SPAG16: variants seen among roughly 807,000 people sequenced by gnomAD.
SPAG16 encodes the protein sperm associated antigen 16.
A neutral mutation model predicts 80.4 loss-of-function variants in SPAG16; 86 were observed. The observed-to-expected ratio is 1.07, with a 90% CI of 0.90 to 1.28. The LOEUF (loss-of-function observed/expected upper bound fraction) is 1.28, where lower values mean the gene tolerates loss of function less well. Ranked by LOEUF, SPAG16 falls within the 50% of genes most tolerant of loss-of-function variation. The pLI, the probability that SPAG16 is intolerant of heterozygous loss-of-function variation, is 0.00. For missense variants in SPAG16, 870 were observed against 765.3 expected (o/e 1.14, Z -1.61); for synonymous variants, 294 against 265.9 (o/e 1.11, Z -1.03).
chr2:214,161,970 ATTC>A (rs2056458581), intron 15 of SPAG16, among the ~76,000 whole-genome samples: 1 of 152,110 alleles, frequency 6.6e-6, no homozygotes, highest in Non-Finnish European at 1.5e-5. Flanking sequence ...TCACAAAAAT[ATTC>A]TTCTCTTCTA....
rs752219004 is a variant in SPAG16, at chr2:213,296,087, G to A, written c.160G>A (p.Glu54Lys). 1 of 1,609,340 alleles carries A rather than the reference G, an allele frequency of 6.2e-7. No homozygotes were observed. The highest frequency in any genetic ancestry group is 2.2e-5 in the East Asian group (1 of 44,656). Reference protein sequence around the residue: ...LEQVTITEASEDDYEYEEIPD... With the variant: ...LEQVTITEASKDDYEYEEIPD... ...AGAGGTCACCATAACTGAAGCATCT[G>A]AAGATGACTATGAATATGAAGAGGT... is the stretch of plus-strand genomic sequence containing the variant. Residue 54 changes from glutamate to lysine, a missense_variant, in exon 2 of 16, where the codon GAA becomes AAA. Transcript: ENST00000331683.
At chr2:213,330,764 C>T (rs576246087) in intron 5 of SPAG16, among the ~76,000 whole-genome samples, 1 of 152,118 alleles carries the variant, frequency 6.6e-6, no homozygotes, top group African/African-American at 2.4e-5. Flanking sequence ...CCACCCAAAT[C>T]TCATCTTGAA....
At chr2:214,116,320 C>T (rs1174192795) in intron 14 of SPAG16, among the ~76,000 whole-genome samples, 1 of 152,224 alleles carries the variant, frequency 6.6e-6, no homozygotes, top group Non-Finnish European at 1.5e-5. Context: ...TACAAGGATA[C>T]AGAAGGAGAC....
intron 10 of SPAG16, among the ~76,000 whole-genome samples, chr2:213,530,076 T>C (rs541822442): frequency 3.8e-4 from 58 of 152,332 alleles, no homozygotes; most frequent in African/African-American, 1.3e-3. Flanking sequence ...GTGATAATAA[T>C]GCCATCTTCT....
intron 10 of SPAG16, among the ~76,000 whole-genome samples, chr2:213,667,882 C>T (rs1478168392): frequency 2.6e-5 from 4 of 151,754 alleles, no homozygotes; most frequent in African/African-American, 9.7e-5. Context: ...GGGTAGAGTA[C>T]ATAGTTAATT....
At chr2:214,195,796 A>C (rs988994711) in intron 15 of SPAG16, among the ~76,000 whole-genome samples, 4 of 151,970 alleles carry the variant, frequency 2.6e-5, no homozygotes, top group Non-Finnish European at 4.4e-5. Flanking sequence ...AGTAAAAAAA[A>C]CTAGCTATGG....
chr2:213,776,713 G>T (rs2069600911), intron 10 of SPAG16, among the ~76,000 whole-genome samples: 1 of 151,768 alleles, frequency 6.6e-6, no homozygotes, highest in Non-Finnish European at 1.5e-5. Context: ...AAAAGACATT[G>T]ACTTTTTTAC....
intron 15 of SPAG16, among the ~76,000 whole-genome samples, chr2:214,331,515 G>A (rs80268839): frequency 0.01 from 1,537 of 152,208 alleles, 9 homozygotes; most frequent in Middle Eastern, 0.017. Context: ...TTCTGCAATC[G>A]GGCCCTTGGG....
chr2:214,051,226 C>G (rs1262866153), intron 13 of SPAG16, among the ~76,000 whole-genome samples: 3 of 152,150 alleles, frequency 2.0e-5, no homozygotes, highest in Non-Finnish European at 4.4e-5. Context: ...ACATGCCAGT[C>G]TTTTATTCAG....
At position 214,197,598 on chromosome 2, in the gene SPAG16, T is replaced by G. The variant is rs537719893; in HGVS notation, c.1720+48332T>G. ...CTGAAAAATTAAAATATCATTGTCATTGCAAATAAAATATTATTGGCATTA... is the reference window on the plus strand; with the variant it reads ...CTGAAAAATTAAAATATCATTGTCAGTGCAAATAAAATATTATTGGCATTA... On this transcript the variant is annotated intron_variant, in intron 15 of 15. Transcript: ENST00000331683. 1.3e-5 allele frequency among the ~76,000 whole-genome samples: 2 copies of G among 152,118 alleles called. 1 individual carries two copies. Among genetic ancestry groups the G allele is most frequent in the South Asian group, 4.2e-4 (2 of 4,818 alleles).
intron 10 of SPAG16, among the ~76,000 whole-genome samples, chr2:213,765,429 A>G (rs2068883879): frequency 6.6e-6 from 1 of 152,214 alleles, no homozygotes; most frequent in South Asian, 2.1e-4. Flanking sequence ...TTATTTTTTC[A>G]TCAGGCTTAG....
At chr2:213,603,914 A>T (rs1239469962) in intron 10 of SPAG16, among the ~76,000 whole-genome samples, 1 of 150,898 alleles carries the variant, frequency 6.6e-6, no homozygotes, top group East Asian at 1.9e-4. Flanking sequence ...CTCTTACCCA[A>T]AGACTTCCTG....
intron 10 of SPAG16, among the ~76,000 whole-genome samples, chr2:213,826,687 T>C (rs900122359): frequency 1.3e-5 from 2 of 152,030 alleles, no homozygotes; most frequent in African/African-American, 4.8e-5. Context: ...GAATGATCCA[T>C]ATGCTGATGA....
At chr2:213,983,279 A>T (rs994054376) in intron 12 of SPAG16, among the ~76,000 whole-genome samples, 2 of 151,934 alleles carry the variant, frequency 1.3e-5, no homozygotes, top group Non-Finnish European at 2.9e-5. Flanking sequence ...TTTACCTTAA[A>T]ATAAGAGAAC....
intron 3 of SPAG16, among the ~76,000 whole-genome samples, chr2:213,301,390 TG>T (rs2062735653): frequency 6.6e-6 from 1 of 152,178 alleles, no homozygotes; most frequent in Non-Finnish European, 1.5e-5. Flanking sequence ...TGGATTTCAT[TG>T]TTTATTTTTT....
intron 15 of SPAG16, among the ~76,000 whole-genome samples, chr2:214,383,002 A>G (rs1700538613): frequency 6.8e-6 from 1 of 147,642 alleles, no homozygotes; most frequent in Non-Finnish European, 1.5e-5. Flanking sequence ...CCCCTGCCTC[A>G]CTCTCCTGTC....
chr2:214,259,280 G>C (rs1690944036), intron 15 of SPAG16, among the ~76,000 whole-genome samples: 2 of 151,520 alleles, frequency 1.3e-5, no homozygotes, highest in Admixed American at 6.6e-5. Context: ...TTTAACTGTG[G>C]CTGGGTTGTT....
intron 14 of SPAG16, among the ~76,000 whole-genome samples, chr2:214,145,630 C>G (rs994491085): frequency 6.6e-6 from 1 of 152,040 alleles, no homozygotes. Context: ...TGGTGGGAGG[C>G]TTAACAGAGG....
rs146835667 is a variant in SPAG16, at chr2:213,820,029, C to T, written c.1071-42456C>T. 2.9e-3 allele frequency among the ~76,000 whole-genome samples: 442 copies of T among 150,420 alleles called. 3 individuals carry two copies. Among genetic ancestry groups the T allele is most frequent in the African/African-American group, 0.01 (421 of 41,002 alleles). Reference sequence around the variant, plus strand: ...CTGACCTCAGGTGATCCACCTGCCTCGGCCTCCCAAAGTGCTGGGATTACA... The same window carrying T: ...CTGACCTCAGGTGATCCACCTGCCTTGGCCTCCCAAAGTGCTGGGATTACA... On this transcript the variant is annotated intron_variant, in intron 10 of 15. Transcript: ENST00000331683.
Sources: gnomAD v4.1 joint callset for allele counts (sites outside exome capture counted in the v4.1 genomes callset) on GRCh38, gnomAD v4.1.1 for gene constraint, MANE v1.5 for transcripts, NCBI Gene and HGNC (gene_info 2026-07-23, HGNC 2026-07-21) for gene names.